The following PTGER2 variants were observed in gnomAD, a reference collection of about 807,000 sequenced individuals.
PTGER2 encodes prostaglandin E receptor 2.
In PTGER2, 22 loss-of-function variants were observed where a neutral mutation model predicts 26.2. The ratio of observed to expected loss-of-function variants is 0.84; its 90% CI spans 0.60 to 1.20. PTGER2 has a LOEUF of 1.20. Among genes scored for constraint, PTGER2 ranks in the 50% most tolerant of loss-of-function variants. The pLI is 0.00. For synonymous variants in PTGER2, 219 were observed against 208.9 expected (o/e 1.05, Z -0.42); for missense variants, 458 against 475.2 (o/e 0.96, Z 0.34).
chr14:52,317,197 T>C (rs568028768), intron 1 of PTGER2, among the ~76,000 whole-genome samples: 1 of 152,324 alleles, frequency 6.6e-6, no homozygotes, highest in Admixed American at 6.5e-5. Context: ...TGTGAGTATA[T>C]TTATAAAAAT....
At chr14:52,320,575 T>TAAGCC (rs2033884978) in intron 1 of PTGER2, among the ~76,000 whole-genome samples, 1 of 152,186 alleles carries the variant, frequency 6.6e-6, no homozygotes, top group South Asian at 2.1e-4. Context: ...ACAGGTCTCT[T>TAAGCC]TCCAGCTAGA....
At chr14:52,317,239 G>T (rs2033849989) in intron 1 of PTGER2, among the ~76,000 whole-genome samples, 1 of 151,902 alleles carries the variant, frequency 6.6e-6, no homozygotes, top group African/African-American at 2.4e-5. Flanking sequence ...AAATAGCCTG[G>T]GAATGGGTTT....
Position 52,314,677 on chromosome 14 carries a change from G to A in PTGER2, c.129G>A (p.Leu43=). ...GGGTGCTGGGGAACCTCATAGCACT[G>A]GCGCTGCTGGCGCGCCGCTGGCGGG... ...SAGVLGNLIA[L]ALLARRWRGD... is the part of the protein sequence containing the mutation. The change falls in exon 1 of 2, where the codon CTG becomes CTA. Residue 43 remains leucine, a synonymous_variant. Coordinates refer to ENST00000245457, the MANE Select transcript of PTGER2 (RefSeq NM_000956.4). This position sits in a 1 kb window ranked among gnomAD's most constrained non-coding sequence, Gnocchi z 5.7. 1 of 1,545,644 alleles carries A rather than the reference G, an allele frequency of 6.5e-7. No individual in the cohort carries two copies.
chr14:52,314,581 G>A lies in PTGER2; in HGVS notation c.33G>A (p.Glu11=), dbSNP rs200159674. 9.5e-5 allele frequency: 143 copies of A among 1,508,450 alleles called. 1 individual carries two copies. The highest frequency in any genetic ancestry group is 1.2e-4 in the Non-Finnish European group (137 of 1,128,238). 93.4% of individuals were successfully genotyped at this position (1,508,450 alleles called of 1,614,324 possible). The change falls in exon 1 of 2, where the codon GAG becomes GAA. Residue 11 remains glutamate, a synonymous_variant. Transcript: ENST00000245457. The surrounding 1 kb of genome is among the most constrained non-coding windows in gnomAD (Gnocchi z 5.7). MGNASNDSQS[E]DCETRQWLPP... is the part of the protein sequence containing the mutation. ...ATGCCTCCAATGACTCCCAGTCTGA[G>A]GACTGCGAGACGCGACAGTGGCTTC...
chr14:52,322,963 A>G (rs2033912671), intron 1 of PTGER2, among the ~76,000 whole-genome samples: 1 of 152,202 alleles, frequency 6.6e-6, no homozygotes, highest in Non-Finnish European at 1.5e-5. Flanking sequence ...CATATGTTTT[A>G]CAATCAATTT....
rs1436487078 is a variant in PTGER2, at chr14:52,315,155, C to A, written c.607C>A (p.Leu203Met). The A allele has an allele frequency of 6.2e-7, 1 of 1,608,842 alleles. No homozygotes were observed. The highest frequency in any genetic ancestry group is 2.2e-5 in the East Asian group (1 of 44,872). The change falls in exon 1 of 2, where the codon CTG (leucine) becomes ATG (methionine). Residue 203 changes from leucine (L) to methionine (M), a missense_variant. Transcript: ENST00000245457. Reference sequence around the variant, plus strand: ...CGCTTACCTGCAGCTGTACGCCACCCTGCTGCTGCTTCTCATTGTCTCGGT... The same window carrying A: ...CGCTTACCTGCAGCTGTACGCCACCATGCTGCTGCTTCTCATTGTCTCGGT... ...RTAYLQLYAT[L>M]LLLLIVSVLA... is the part of the protein sequence containing the mutation.
chr14:52,317,756 G>A (rs1383564237), intron 1 of PTGER2, among the ~76,000 whole-genome samples: 6 of 152,296 alleles, frequency 3.9e-5, no homozygotes, highest in East Asian at 3.9e-4. Flanking sequence ...CCAAAGAGCC[G>A]GAGAAAATCC....
chr14:52,326,337 A>G (rs1385735410), intron 1 of PTGER2, among the ~76,000 whole-genome samples: 3 of 152,236 alleles, frequency 2.0e-5, no homozygotes, highest in Non-Finnish European at 4.4e-5. Context: ...GCCACTAACC[A>G]GCTCTGGGTA....
At chr14:52,323,167 G>A (rs1037243403) in intron 1 of PTGER2, among the ~76,000 whole-genome samples, 2 of 152,094 alleles carry the variant, frequency 1.3e-5, no homozygotes, top group Non-Finnish European at 2.9e-5. Context: ...CTTCCATTTG[G>A]GGTCCCTGAC....
Position 52,314,623 on chromosome 14 carries a change from A to T in PTGER2, c.75A>T (p.Pro25=), listed in dbSNP as rs1353410. ...TRQWLPPGES[P]AISSVMFSAG... ...AGTGGCTTCCCCCAGGCGAAAGCCC[A>T]GCCATCAGCTCCGTCATGTTCTCGG... The change falls in exon 1 of 2, where the codon CCA becomes CCT. Residue 25 remains proline (P), a synonymous_variant. Transcript: ENST00000245457. The surrounding 1 kb of genome is among the most constrained non-coding windows in gnomAD (Gnocchi z 5.7). The T allele has an allele frequency of 0.049, 73,392 of 1,510,606 alleles. 2,699 individuals are homozygous for T. The highest frequency in any genetic ancestry group is 0.16 in the East Asian group (6,826 of 43,584). 93.6% of individuals were successfully genotyped at this position (1,510,606 alleles called of 1,614,324 possible).
intron 1 of PTGER2, among the ~76,000 whole-genome samples, chr14:52,323,922 A>G (rs1445375407): frequency 6.6e-6 from 1 of 152,252 alleles, no homozygotes; most frequent in African/African-American, 2.4e-5. Flanking sequence ...GATAACTTCT[A>G]CCAACCTCTG....
chr14:52,320,400 TG>T (rs529016314), intron 1 of PTGER2, among the ~76,000 whole-genome samples: 87 of 152,228 alleles, frequency 5.7e-4, no homozygotes, highest in Middle Eastern at 3.2e-3. Flanking sequence ...TTTGGTCAAG[TG>T]GGTCCTCACT....
In PTGER2 at chr14:52,327,568, G is replaced by A. The variant is rs371901911; in HGVS notation, c.*114G>A. 7 of 844,964 alleles carry A rather than the reference G, an allele frequency of 8.3e-6. No homozygotes were observed. The highest frequency in any genetic ancestry group is 3.4e-5 in the African/African-American group (2 of 58,480). The allele number at this position is 844,964 out of a possible 1,614,324, so 52.3% of individuals were successfully genotyped here. A position where few individuals can be genotyped will look rare whatever the true frequency, so the allele number is the denominator to read the frequency against. The stretch of plus-strand genomic sequence containing the variant: ...AAAATGAAGCTGCCCTAATAAAAAG[G>A]AGTATACAAACATTTAAGCTGTGGT... On this transcript the variant is annotated 3_prime_UTR_variant, in exon 2 of 2. Transcript: ENST00000245457.
chr14:52,314,501 G>GT lies in PTGER2; in HGVS notation c.-48_-47insT. The GT allele has an allele frequency of 7.0e-7, 1 of 1,435,732 alleles. No individual in the cohort carries two copies. The highest frequency in any genetic ancestry group is 9.1e-7 in the Non-Finnish European group (1 of 1,094,220). The allele number at this position is 1,435,732 out of a possible 1,614,324, so 88.9% of individuals were successfully genotyped here. A position where few individuals can be genotyped will look rare whatever the true frequency, so the allele number is the denominator to read the frequency against. ...CGGCTCTCAGACCCTCTTCCTCCCA[G>GT]GTAAAGGCCGGGAGAGGAGGGCGCA... On this transcript the variant is annotated 5_prime_UTR_variant, in exon 1 of 2. Transcript: ENST00000245457. This position sits in a 1 kb window ranked among gnomAD's most constrained non-coding sequence, Gnocchi z 5.7.
intron 1 of PTGER2, among the ~76,000 whole-genome samples, chr14:52,322,207 G>A (rs889062249): frequency 2.6e-5 from 4 of 152,160 alleles, no homozygotes; most frequent in Admixed American, 6.6e-5. Context: ...CAGCTGGGCC[G>A]CTGGGGGTGA....
chr14:52,316,200 C>A (rs1182351169), intron 1 of PTGER2, among the ~76,000 whole-genome samples: 1 of 152,286 alleles, frequency 6.6e-6, no homozygotes, highest in Admixed American at 6.5e-5. Flanking sequence ...AAGCCACAGG[C>A]AGGAATGGCT....
chr14:52,316,211 G>T (rs951284035), intron 1 of PTGER2, among the ~76,000 whole-genome samples: 1 of 152,206 alleles, frequency 6.6e-6, no homozygotes, highest in African/African-American at 2.4e-5. Flanking sequence ...AGGAATGGCT[G>T]GTCCCTCTCA....
chr14:52,323,501 G>A (rs1482035495), intron 1 of PTGER2, among the ~76,000 whole-genome samples: 1 of 152,160 alleles, frequency 6.6e-6, no homozygotes, highest in African/African-American at 2.4e-5. Flanking sequence ...TGACCTGCCT[G>A]CCTCGGCCTC....
At chr14:52,321,344 A>G (rs1306791047) in intron 1 of PTGER2, among the ~76,000 whole-genome samples, 1 of 152,208 alleles carries the variant, frequency 6.6e-6, no homozygotes, top group Non-Finnish European at 1.5e-5. Context: ...ACATATAACA[A>G]TCTATGCTTG....
Sources: gnomAD v4.1 joint callset for allele counts (sites outside exome capture counted in the v4.1 genomes callset) on GRCh38, gnomAD v4.1.1 for gene constraint, Gnocchi (gnomAD v3.1) non-coding constraint, MANE v1.5 for transcripts, NCBI Gene and HGNC (gene_info 2026-07-23, HGNC 2026-07-21) for gene names.